The following METTL24 variants were observed in gnomAD, a reference collection of about 807,000 sequenced individuals.
The protein encoded by METTL24 is methyltransferase like 24, also known as probable methyltransferase-like protein 24.
METTL24 carries 29 observed loss-of-function variants against 32.7 expected under a neutral mutation model. The ratio of observed to expected loss-of-function variants is 0.89; its 90% confidence interval spans 0.66 to 1.21. METTL24 has a LOEUF of 1.21. Among genes scored for constraint, METTL24 ranks in the 50% most tolerant of loss-of-function variants. METTL24 has a pLI of 0.00. For synonymous variants in METTL24, 163 were observed against 179.5 expected (o/e 0.91, Z 0.73); for missense variants, 439 against 468.1 (o/e 0.94, Z 0.57).
In METTL24 at chr6:110,326,276, T is replaced by C. The variant is rs116850381; in HGVS notation, c.319-3404A>G. On this transcript the variant is annotated intron_variant, in intron 1 of 4. Transcript: ENST00000338882. ...TTGCTGGGGTTCCCCGCTCAGTCTA[T>C]TACCATTACATCAGACCCTTTTGTC... 8.9e-3 allele frequency among the ~76,000 whole-genome samples: 1,351 copies of C among 152,362 alleles called. 12 individuals are homozygous for C. The highest frequency in any genetic ancestry group is 0.011 in the Admixed American group (171 of 15,308).
rs559541022 is a variant in METTL24, at chr6:110,277,436, A to T, written c.786+21486T>A. On this transcript the variant is annotated intron_variant, in intron 4 of 4. Transcript: ENST00000338882. ...AAACCAAAAATAGTAGCAACTCTAAACTTCATTTTAGGAGCCTGAAGAATG... is the reference window on the plus strand; with the variant it reads ...AAACCAAAAATAGTAGCAACTCTAATCTTCATTTTAGGAGCCTGAAGAATG... 3.3e-5 allele frequency among the ~76,000 whole-genome samples: 5 copies of T among 152,308 alleles called. No individual in the cohort carries two copies. The South Asian group carries it at 1.0e-3, about 32-fold the overall frequency.
At chr6:110,346,387 C>T (rs1037042453) in intron 1 of METTL24, among the ~76,000 whole-genome samples, 4 of 151,876 alleles carry the variant, frequency 2.6e-5, no homozygotes, top group Non-Finnish European at 5.9e-5. Context: ...TGTCAGAGAG[C>T]GGTAATGCTA....
chr6:110,263,188 T>C (rs1339516404), intron 4 of METTL24, among the ~76,000 whole-genome samples: 1 of 152,208 alleles, frequency 6.6e-6, no homozygotes, highest in Non-Finnish European at 1.5e-5. Flanking sequence ...TTGTCCCTGT[T>C]TGCAGATGAC....
intron 1 of METTL24, among the ~76,000 whole-genome samples, chr6:110,356,153 C>G (rs924832993): frequency 1.3e-5 from 2 of 152,296 alleles, no homozygotes; most frequent in East Asian, 1.9e-4. Context: ...TAAGAAACAT[C>G]ACAGTGTTGG....
At chr6:110,291,552 T>C (rs1400785010) in intron 4 of METTL24, among the ~76,000 whole-genome samples, 1 of 152,198 alleles carries the variant, frequency 6.6e-6, no homozygotes, top group Non-Finnish European at 1.5e-5. Context: ...AAAAAAAACT[T>C]CTATTTTCCT....
chr6:110,271,861 G>A (rs558487126), intron 4 of METTL24, among the ~76,000 whole-genome samples: 1 of 152,278 alleles, frequency 6.6e-6, no homozygotes, highest in African/African-American at 2.4e-5. Context: ...TGTGGAGAAT[G>A]AGACATATGT....
rs1778119813 is a variant in METTL24 at position 110,244,826 on chromosome 6, C to A, written c.*1120G>T. On this transcript the variant is annotated 3_prime_UTR_variant, in exon 5 of 5. Transcript: ENST00000338882. ...GATGAGATTTGGTTGGGGACGTAGC[C>A]AAACCATATTACTCATGGACTTATA... Among the ~76,000 whole-genome samples the A allele has an allele frequency of 6.6e-6, 1 of 152,054 alleles. No individual in the cohort carries two copies. Among genetic ancestry groups the A allele is most frequent in the Non-Finnish European group, 1.5e-5 (1 of 68,014 alleles).
At chr6:110,350,354 TGTTTGTACTA>T (rs1262834879) in intron 1 of METTL24, among the ~76,000 whole-genome samples, 1 of 152,158 alleles carries the variant, frequency 6.6e-6, no homozygotes, top group Admixed American at 6.5e-5. Flanking sequence ...AATCAGTCCC[TGTTTGTACTA>T]GTTTCAGTTG....
chr6:110,350,018 CG>C (rs1429642392), intron 1 of METTL24, among the ~76,000 whole-genome samples: 1 of 152,232 alleles, frequency 6.6e-6, no homozygotes, highest in Non-Finnish European at 1.5e-5. Context: ...CTGTGGCCCT[CG>C]TGCCACCTGC....
At chr6:110,318,468 T>C (rs1384283612) in intron 2 of METTL24, among the ~76,000 whole-genome samples, 1 of 151,330 alleles carries the variant, frequency 6.6e-6, no homozygotes, top group Non-Finnish European at 1.5e-5. Context: ...GCCAGCATGG[T>C]GAAACCCCGC....
chr6:110,354,014 G>T (rs1772659600), intron 1 of METTL24, among the ~76,000 whole-genome samples: 1 of 152,188 alleles, frequency 6.6e-6, no homozygotes, highest in Non-Finnish European at 1.5e-5. Flanking sequence ...GTATTTTTAT[G>T]CATGCATAGT....
Position 110,268,889 on chromosome 6 carries a change from A to T in METTL24, c.787-22629T>A, listed in dbSNP as rs113434431. Among the ~76,000 whole-genome samples the T allele has an allele frequency of 3.8e-3, 576 of 152,112 alleles. 5 individuals are homozygous for T. The highest frequency in any genetic ancestry group is 0.013 in the African/African-American group (555 of 41,516). On this transcript the variant is annotated intron_variant, in intron 4 of 4. Transcript: ENST00000338882. ...TGCTACACAGGGGTTCCTCCCTCTA[A>T]CTCATCCCCTTCCACACCAAAAATG... is the stretch of plus-strand genomic sequence containing the variant.
intron 4 of METTL24, among the ~76,000 whole-genome samples, chr6:110,298,246 TAGTATCTGCCTACAGAATAC>T (rs1307884465): frequency 6.6e-6 from 1 of 152,204 alleles, no homozygotes; most frequent in Non-Finnish European, 1.5e-5. Flanking sequence ...AGAAATTCTC[TAGTATCTGCCTACAGAATAC>T]AGTTAGCTCG....
intron 4 of METTL24, among the ~76,000 whole-genome samples, chr6:110,252,714 G>C (rs1489543475): frequency 6.6e-6 from 1 of 152,108 alleles, no homozygotes; most frequent in Non-Finnish European, 1.5e-5. Context: ...ATTAATTGGA[G>C]GTGAGTCACA....
At chr6:110,336,450 A>G (rs1376438917) in intron 1 of METTL24, among the ~76,000 whole-genome samples, 1 of 152,220 alleles carries the variant, frequency 6.6e-6, no homozygotes, top group Non-Finnish European at 1.5e-5. Context: ...TCGATAAAAG[A>G]TGGTTATCAG....
chr6:110,338,541 C>T (rs925842496), intron 1 of METTL24, among the ~76,000 whole-genome samples: 3 of 152,094 alleles, frequency 2.0e-5, no homozygotes, highest in Non-Finnish European at 2.9e-5. Context: ...AAAACCCCAA[C>T]GTGTCTTCGA....
rs577551152 is a variant in METTL24, at chr6:110,332,107, A to T, written c.319-9235T>A. 2.0e-5 allele frequency among the ~76,000 whole-genome samples: 3 copies of T among 152,330 alleles called. No homozygotes were observed. In the South Asian group the frequency reaches 6.2e-4, roughly 32 times the overall value. ...TAGGCTGGGAGGCAGGGGAGCCAGA[A>T]ATCAAATCAGCTCTGACAAGAAAAA... is the stretch of plus-strand genomic sequence containing the variant. On this transcript the variant is annotated intron_variant, in intron 1 of 4. Transcript: ENST00000338882.
At chr6:110,253,287 A>G (rs960872754) in intron 4 of METTL24, among the ~76,000 whole-genome samples, 2 of 152,162 alleles carry the variant, frequency 1.3e-5, no homozygotes. Context: ...ACTGGCTTCA[A>G]CTGCATGAGA....
intron 3 of METTL24, among the ~76,000 whole-genome samples, chr6:110,304,421 AT>A (rs1343247974): frequency 1.3e-5 from 2 of 152,224 alleles, no homozygotes; most frequent in Non-Finnish European, 2.9e-5. Flanking sequence ...AAGAACCTTG[AT>A]AAAAGGTTAG....
Sources: gnomAD v4.1 joint callset for allele counts (sites outside exome capture counted in the v4.1 genomes callset) on GRCh38, gnomAD v4.1.1 for gene constraint, MANE v1.5 for transcripts, NCBI Gene and HGNC (gene_info 2026-07-23, HGNC 2026-07-21) for gene names.